SUGCT: variants seen among roughly 807,000 people sequenced by gnomAD.
SUGCT encodes succinyl-CoA:glutarate-CoA transferase.
A neutral mutation model predicts 55.0 loss-of-function variants in SUGCT; 41 were observed. The ratio of observed to expected loss-of-function variants is 0.74; its 90% CI spans 0.58 to 0.97. The LOEUF (loss-of-function observed/expected upper bound fraction) is 0.97, where lower values mean the gene tolerates loss of function less well. Among genes scored for constraint, SUGCT ranks in the 50% least tolerant of loss-of-function variants. The pLI, the probability that SUGCT is intolerant of heterozygous loss-of-function variation, is 0.00. For synonymous variants in SUGCT, 187 were observed against 200.4 expected (o/e 0.93, Z 0.56); for missense variants, 568 against 547.8 (o/e 1.04, Z -0.37).
intron 6 of SUGCT, among the ~76,000 whole-genome samples, chr7:40,216,498 C>CAAAAAAA (rs1022915051): frequency 9.9e-5 from 5 of 50,388 alleles, no homozygotes; most frequent in Admixed American, 2.1e-4. Context: ...GACTCCGTCT[C>CAAAAAAA]AAAAAAAAAA....
chr7:40,720,993 G>C (rs1786298238), intron 12 of SUGCT, among the ~76,000 whole-genome samples: 1 of 152,124 alleles, frequency 6.6e-6, no homozygotes, highest in Non-Finnish European at 1.5e-5. Flanking sequence ...TTAATTTTTT[G>C]AAATACTCAA....
rs144014251 is a variant in SUGCT, at chr7:40,316,364, C to G, written c.721-396C>G. Among the ~76,000 whole-genome samples, 145 of 152,164 alleles carry G rather than the reference C, an allele frequency of 9.5e-4. 1 individual carries two copies. Among genetic ancestry groups the G allele is most frequent in the African/African-American group, 3.3e-3 (138 of 41,530 alleles). The stretch of plus-strand genomic sequence containing the variant: ...TCTACTCAGTGATGACACAGGCTCT[C>G]TTTGTGTTATCTTGGTGCAAAATAA... On this transcript the variant is annotated intron_variant, in intron 8 of 13. Coordinates refer to ENST00000335693, the MANE Select transcript of SUGCT (RefSeq NM_001193313.2).
At chr7:40,350,065 G>T (rs978345823) in intron 9 of SUGCT, among the ~76,000 whole-genome samples, 1 of 151,784 alleles carries the variant, frequency 6.6e-6, no homozygotes, top group Non-Finnish European at 1.5e-5. Flanking sequence ...ATTTATTTTG[G>T]TTCATTTAGA....
chr7:40,616,652 TG>T (rs771433229), intron 12 of SUGCT, among the ~76,000 whole-genome samples: 2 of 152,212 alleles, frequency 1.3e-5, no homozygotes, highest in Non-Finnish European at 2.9e-5. Context: ...TGGTGGATTG[TG>T]GGACCATGGA....
intron 8 of SUGCT, among the ~76,000 whole-genome samples, chr7:40,297,950 TTC>T (rs1283470897): frequency 4.6e-5 from 7 of 152,144 alleles, no homozygotes; most frequent in Admixed American, 6.6e-5. Context: ...GTTTTCCTCC[TTC>T]TGTTTTTTAA....
the SUGCT span, among the ~76,000 whole-genome samples, chr7:40,998,374 A>T: frequency 2.0e-5 from 3 of 152,116 alleles, no homozygotes; most frequent in African/African-American, 7.2e-5. Context: ...TCTGAAAAAA[A>T]AAAAGGAGCT....
intron 13 of SUGCT, among the ~76,000 whole-genome samples, chr7:40,820,616 G>A (rs2128766544): frequency 6.6e-6 from 1 of 152,240 alleles, no homozygotes; most frequent in African/African-American, 2.4e-5. Context: ...GATTGATTTT[G>A]TATCCTGAGA....
At chr7:40,266,507 C>T (rs989442799) in intron 7 of SUGCT, among the ~76,000 whole-genome samples, 6 of 152,056 alleles carry the variant, frequency 3.9e-5, no homozygotes, top group Non-Finnish European at 8.8e-5. Flanking sequence ...CTATACTCTT[C>T]ACCCCATTTC....
intron 13 of SUGCT, among the ~76,000 whole-genome samples, chr7:40,818,259 C>T (rs1044798798): frequency 6.6e-6 from 1 of 152,216 alleles, no homozygotes; most frequent in African/African-American, 2.4e-5. Flanking sequence ...GTCTACACAC[C>T]TTGGATGCAC....
intron 13 of SUGCT, among the ~76,000 whole-genome samples, chr7:40,820,814 G>A (rs1188586785): frequency 6.6e-6 from 1 of 152,186 alleles, no homozygotes; most frequent in East Asian, 1.9e-4. Context: ...AATAGGAGTG[G>A]TGAGAAAGGG....
At chr7:40,575,829 C>A (rs1350148765) in intron 12 of SUGCT, among the ~76,000 whole-genome samples, 1 of 151,836 alleles carries the variant, frequency 6.6e-6, no homozygotes, top group Admixed American at 6.6e-5. Flanking sequence ...CCTGTAATCC[C>A]AGCTACTCAA....
At chr7:40,638,520 C>T (rs1484963735) in intron 12 of SUGCT, among the ~76,000 whole-genome samples, 1 of 152,120 alleles carries the variant, frequency 6.6e-6, no homozygotes, top group Non-Finnish European at 1.5e-5. Flanking sequence ...AATGACTGAA[C>T]ACATGTTCCA....
chr7:40,994,504 C>T, the SUGCT span, among the ~76,000 whole-genome samples: 1 of 151,600 alleles, frequency 6.6e-6, no homozygotes, highest in Admixed American at 6.6e-5. Flanking sequence ...GATTGGAGCA[C>T]ATGCTGTGCA....
intron 13 of SUGCT, among the ~76,000 whole-genome samples, chr7:40,759,976 T>C (rs1468649936): frequency 1.3e-5 from 2 of 152,174 alleles, no homozygotes; most frequent in South Asian, 2.1e-4. Context: ...CCAAAACATG[T>C]GGACTACATT....
chr7:40,157,012 CAAAAAAAA>C (rs3046489), intron 1 of SUGCT, among the ~76,000 whole-genome samples: 4 of 116,856 alleles, frequency 3.4e-5, no homozygotes, highest in Non-Finnish European at 5.4e-5. Context: ...AAGACTGTCT[CAAAAAAAA>C]AAAAAAAAGG....
chr7:40,245,450 TTTTTTTTG>T (rs1429690762), intron 7 of SUGCT, among the ~76,000 whole-genome samples: 7 of 82,780 alleles, frequency 8.5e-5, no homozygotes, highest in African/African-American at 3.6e-4. Flanking sequence ...TTTTTTTTTT[TTTTTTTTG>T]AGATGGAGTC....
At chr7:40,943,526 C>T in the SUGCT span, among the ~76,000 whole-genome samples, 21 of 145,192 alleles carry the variant, frequency 1.4e-4, no homozygotes, top group South Asian at 4.5e-4. Flanking sequence ...TGAGAACATG[C>T]GGTGTTTGGT....
chr7:40,416,226 A>C (rs1157522212), intron 9 of SUGCT, among the ~76,000 whole-genome samples: 2 of 151,798 alleles, frequency 1.3e-5, no homozygotes, highest in Non-Finnish European at 3.0e-5. Flanking sequence ...TGTTTTTGTT[A>C]GATATAAAAA....
chr7:40,236,635 G>A (rs1789032430), intron 6 of SUGCT, among the ~76,000 whole-genome samples: 1 of 151,958 alleles, frequency 6.6e-6, no homozygotes, highest in Non-Finnish European at 1.5e-5. Context: ...GCTTAACTTT[G>A]TATATTACTG....
Sources: gnomAD v4.1 joint callset for allele counts (sites outside exome capture counted in the v4.1 genomes callset) on GRCh38, gnomAD v4.1.1 for gene constraint, MANE v1.5 for transcripts, NCBI Gene and HGNC (gene_info 2026-07-23, HGNC 2026-07-21) for gene names.